THNSL1: variants seen among roughly 807,000 people sequenced by gnomAD.
THNSL1 encodes threonine synthase-like 1.
THNSL1 carries 48 observed loss-of-function variants against 50.4 expected under a neutral mutation model. That is an observed-to-expected ratio of 0.95 (90% CI 0.76 to 1.21). The LOEUF is 1.21. Among genes scored for constraint, THNSL1 ranks in the 50% most tolerant of loss-of-function variants. The pLI is 0.00. For synonymous variants in THNSL1, 309 were observed against 306.1 expected (o/e 1.01, Z -0.10); for missense variants, 896 against 871.7 (o/e 1.03, Z -0.35).
the THNSL1 span, among the ~76,000 whole-genome samples, chr10:24,958,392 A>G: frequency 1.3e-5 from 2 of 152,248 alleles, no homozygotes; most frequent in Non-Finnish European, 2.9e-5. Context: ...TACAAGTACA[A>G]AAGAAAGAGT....
chr10:25,020,244 C>CTATATT (rs752648548), intron 1 of THNSL1, among the ~76,000 whole-genome samples: 8 of 124,522 alleles, frequency 6.4e-5, no homozygotes, highest in African/African-American at 1.8e-4. Flanking sequence ...TAAAATATAT[C>CTATATT]TATATCTATA....
At chr10:25,005,509 C>T in the THNSL1 span, among the ~76,000 whole-genome samples, 2 of 152,200 alleles carry the variant, frequency 1.3e-5, no homozygotes, top group Non-Finnish European at 2.9e-5. Flanking sequence ...GGATTAACAA[C>T]TTTTCTTTTT....
chr10:24,956,264 T>C, the THNSL1 span, among the ~76,000 whole-genome samples: 1 of 152,040 alleles, frequency 6.6e-6, no homozygotes, highest in Non-Finnish European at 1.5e-5. Flanking sequence ...ACCTGATACA[T>C]AGTTTTTTGA....
the THNSL1 span, among the ~76,000 whole-genome samples, chr10:24,975,597 A>G: frequency 6.6e-6 from 1 of 152,062 alleles, no homozygotes; most frequent in African/African-American, 2.4e-5. Flanking sequence ...AGTTCTCGTG[A>G]GATCTCATGG....
the THNSL1 span, chr10:24,984,155 C>T: frequency 2.3e-6 from 1 of 439,954 alleles, no homozygotes; most frequent in Non-Finnish European, 3.9e-6. Context: ...TTTCTTCCTC[C>T]AAATAGAAGC....
the THNSL1 span, among the ~76,000 whole-genome samples, chr10:24,954,583 C>A: frequency 6.6e-6 from 1 of 152,026 alleles, no homozygotes; most frequent in Non-Finnish European, 1.5e-5. Flanking sequence ...AACGTAAAAT[C>A]CAACAAGTTC....
the THNSL1 span, among the ~76,000 whole-genome samples, chr10:25,009,892 A>G: frequency 6.6e-6 from 1 of 152,192 alleles, no homozygotes. Flanking sequence ...GCCATGTGGA[A>G]CTGCGAGTCA....
chr10:25,008,632 C>G, the THNSL1 span, among the ~76,000 whole-genome samples: 5,515 of 152,258 alleles, frequency 0.036, 236 homozygotes, highest in African/African-American at 0.1. Context: ...AAAACTAATG[C>G]TGTTCACTGC....
At chr10:25,020,622 C>T (rs1850700801) in intron 1 of THNSL1, among the ~76,000 whole-genome samples, 1 of 151,800 alleles carries the variant, frequency 6.6e-6, no homozygotes, top group Non-Finnish European at 1.5e-5. Context: ...CAAAAATTAG[C>T]TGGGTGTGGT....
the THNSL1 span, among the ~76,000 whole-genome samples, chr10:24,961,235 T>G: frequency 1.3e-5 from 2 of 152,348 alleles, no homozygotes; most frequent in Admixed American, 6.5e-5. Context: ...CTGCTTCACA[T>G]TCTAAGTAAA....
chr10:25,018,682 G>A (rs1850660184), intron 1 of THNSL1, among the ~76,000 whole-genome samples: 1 of 120,068 alleles, frequency 8.3e-6, no homozygotes, highest in Non-Finnish European at 1.8e-5. Context: ...TTTTTTTTGC[G>A]AAGGATTATT....
the THNSL1 span, among the ~76,000 whole-genome samples, chr10:24,972,035 A>G: frequency 6.6e-6 from 1 of 151,248 alleles, no homozygotes; most frequent in Non-Finnish European, 1.5e-5. Context: ...TACTAAAAAT[A>G]CAAAAAATTA....
chr10:24,962,356 A>C, the THNSL1 span, among the ~76,000 whole-genome samples: 1 of 152,212 alleles, frequency 6.6e-6, no homozygotes, highest in Non-Finnish European at 1.5e-5. Context: ...TTTTTATCTT[A>C]CATTAGGAAG....
At chr10:24,959,981 C>T in the THNSL1 span, among the ~76,000 whole-genome samples, 753 of 152,272 alleles carry the variant, frequency 4.9e-3, 4 homozygotes, top group African/African-American at 0.017. Flanking sequence ...TTCAGATTGA[C>T]ATGCAACTTG....
the THNSL1 span, among the ~76,000 whole-genome samples, chr10:24,972,481 C>G: frequency 6.7e-6 from 1 of 150,300 alleles, no homozygotes; most frequent in Admixed American, 6.6e-5. Context: ...GCACTCCAGT[C>G]TGGGTGAGAG....
At chr10:25,022,584 T>C (rs1008773515) in intron 2 of THNSL1, among the ~76,000 whole-genome samples, 1 of 152,240 alleles carries the variant, frequency 6.6e-6, no homozygotes. Flanking sequence ...TGTCCTGTAG[T>C]TTGGAAAACT....
chr10:25,014,534 G>A (rs1454376363), upstream of THNSL1, among the ~76,000 whole-genome samples: 2 of 151,090 alleles, frequency 1.3e-5, no homozygotes, highest in African/African-American at 2.4e-5. Flanking sequence ...AAAAAAAATC[G>A]TCTAGATGCA....
chr10:25,025,130 G>A lies in THNSL1; in HGVS notation c.1907G>A (p.Gly636Glu). Reference sequence around the variant, plus strand: ...ATTAACTCCACCTATAATACTTCAGGGTATATTTTGGATCCACACACTGCT... The same window carrying A: ...ATTAACTCCACCTATAATACTTCAGAGTATATTTTGGATCCACACACTGCT... ...AAINSTYNTSGYILDPHTAVA... is the reference protein window; with the variant it reads ...AAINSTYNTSEYILDPHTAVA... Residue 636 changes from glycine (G) to glutamate (E), a missense_variant, in exon 3 of 3, where the codon GGG becomes GAG. Gly to Glu is a moderately conservative substitution (Grantham distance 98). Transcript: ENST00000376356. 1 of 1,614,012 alleles carries A rather than the reference G, an allele frequency of 6.2e-7. No homozygotes were observed. Among genetic ancestry groups the A allele is most frequent in the Non-Finnish European group, 8.5e-7 (1 of 1,180,012 alleles).
At chr10:25,003,290 T>C in the THNSL1 span, among the ~76,000 whole-genome samples, 1 of 152,166 alleles carries the variant, frequency 6.6e-6, no homozygotes, top group Non-Finnish European at 1.5e-5. Flanking sequence ...CACTGTAACC[T>C]CTGTCTCCTG....
Sources: allele counts gnomAD v4.1 joint callset (sites outside exome capture counted in the v4.1 genomes callset), GRCh38; gene constraint gnomAD v4.1.1; transcripts MANE v1.5; gene names NCBI Gene and HGNC (gene_info 2026-07-23, HGNC 2026-07-21).